SCN3A: variants seen among roughly 807,000 people sequenced by gnomAD.
SCN3A encodes the protein sodium channel protein type 3 subunit alpha.
SCN3A carries 60 observed loss-of-function variants against 187.6 expected under a neutral mutation model. That is an observed-to-expected ratio of 0.32 (90% CI 0.26 to 0.40). The LOEUF (loss-of-function observed/expected upper bound fraction) is 0.40, where lower values mean the gene tolerates loss of function less well. SCN3A is among the 10% of genes least tolerant of loss of function. The pLI, the probability that SCN3A is intolerant of heterozygous loss-of-function variation, is 1.00. For synonymous variants in SCN3A, 788 were observed against 829.2 expected, an observed-to-expected ratio of 0.95 and a Z score of 0.85; for missense variants, 1,601 against 2,428.2, an observed-to-expected ratio of 0.66 and a Z score of 7.16.
intron 14 of SCN3A, among the ~76,000 whole-genome samples, chr2:165,138,541 C>G (rs1054207570): frequency 2.2e-4 from 33 of 152,230 alleles, no homozygotes; most frequent in African/African-American, 7.9e-4. Flanking sequence ...CATTTATGAA[C>G]TATTCTCTCC....
At chr2:165,154,114 G>T (rs1688867980) in intron 11 of SCN3A, among the ~76,000 whole-genome samples, 1 of 148,526 alleles carries the variant, frequency 6.7e-6, no homozygotes, top group Non-Finnish European at 1.5e-5. Context: ...TCATAATTAG[G>T]GGTGAATCAC....
At chr2:165,185,063 A>G (rs1409408520) in intron 2 of SCN3A, among the ~76,000 whole-genome samples, 2 of 148,922 alleles carry the variant, frequency 1.3e-5, no homozygotes, top group Admixed American at 1.3e-4. Flanking sequence ...ATGGCTCTGA[A>G]AAAAAAAAAA....
intron 9 of SCN3A, among the ~76,000 whole-genome samples, chr2:165,156,512 C>CAAAAAAAAAAAAAAAAAAAAAA (rs558407270): frequency 3.1e-5 from 2 of 63,706 alleles, no homozygotes; most frequent in Non-Finnish European, 5.8e-5. Flanking sequence ...GACTCTGACT[C>CAAAAAAAAAAAAAAAAAAAAAA]AAAAAAAAAA....
rs1687856582 is a variant in SCN3A, at chr2:165,139,350, C to G, written c.2152+126G>C. On this transcript the variant is annotated intron_variant, in intron 14 of 27. Coordinates refer to ENST00000283254, the MANE Select transcript of SCN3A (RefSeq NM_006922.4). ...CAATGTGATAATGTACTCCATATATCACATTCTTAGGTCTAATATATAGTT... is the reference window on the plus strand; with the variant it reads ...CAATGTGATAATGTACTCCATATATGACATTCTTAGGTCTAATATATAGTT... 2.3e-6 allele frequency: 3 copies of G among 1,293,882 alleles called. No homozygotes were observed. In the Admixed American group the frequency reaches 5.3e-5, roughly 23 times the overall value. The allele number at this position is 1,293,882 out of a possible 1,614,324, so 80.2% of individuals were successfully genotyped here.
At chr2:165,172,117 T>C (rs375055263) in intron 3 of SCN3A, among the ~76,000 whole-genome samples, 117 of 152,270 alleles carry the variant, frequency 7.7e-4, no homozygotes, top group African/African-American at 2.7e-3. Context: ...TCTCTGTTCA[T>C]TGCTCTTTTG....
At chr2:165,180,407 G>A (rs973001758) in intron 2 of SCN3A, among the ~76,000 whole-genome samples, 1 of 152,136 alleles carries the variant, frequency 6.6e-6, no homozygotes, top group Non-Finnish European at 1.5e-5. Flanking sequence ...GTATCAATAT[G>A]TTCATCCCAG....
chr2:165,153,187 A>G (rs918499554), intron 11 of SCN3A, among the ~76,000 whole-genome samples: 15 of 152,228 alleles, frequency 9.9e-5, no homozygotes, highest in African/African-American at 3.1e-4. Context: ...TTCAAAGGCA[A>G]TGCAGTGGAG....
intron 15 of SCN3A, among the ~76,000 whole-genome samples, chr2:165,133,373 G>T (rs1448147343): frequency 1.3e-5 from 2 of 150,648 alleles, no homozygotes; most frequent in Admixed American, 1.3e-4. Flanking sequence ...ATTTTTTTTT[G>T]AGACAGAGTC....
At chr2:165,171,596 G>C (rs138405635) in intron 3 of SCN3A, among the ~76,000 whole-genome samples, 54 of 152,150 alleles carry the variant, frequency 3.5e-4, no homozygotes, top group Admixed American at 5.9e-4. Context: ...AATCAAGGTT[G>C]AAAATCCCTT....
chr2:165,105,520 G>T (rs1415117754), intron 21 of SCN3A, among the ~76,000 whole-genome samples: 2 of 152,218 alleles, frequency 1.3e-5, no homozygotes, highest in African/African-American at 4.8e-5. Flanking sequence ...GGCTCAGGTA[G>T]TGGTGAGGGG....
At chr2:165,168,566 A>G (rs1307955194) in intron 5 of SCN3A, among the ~76,000 whole-genome samples, 170 bp downstream of exon 5, 1 of 151,984 alleles carries the variant, frequency 6.6e-6, no homozygotes, top group Non-Finnish European at 1.5e-5. Context: ...AAAAATACTT[A>G]CCTCGTAGAA....
intron 21 of SCN3A, among the ~76,000 whole-genome samples, chr2:165,101,212 G>A (rs1346333913): frequency 2.0e-5 from 3 of 152,140 alleles, no homozygotes; most frequent in Admixed American, 1.3e-4. Context: ...GACATAGAAC[G>A]AATATTCCAA....
intron 17 of SCN3A, among the ~76,000 whole-genome samples, chr2:165,128,583 C>G (rs1362772385): frequency 1.3e-5 from 2 of 152,144 alleles, no homozygotes; most frequent in South Asian, 2.1e-4. Flanking sequence ...AAATGATATA[C>G]TTGAAATACA....
At chr2:165,146,382 ATGTGTGTG>A (rs5836018) in intron 12 of SCN3A, among the ~76,000 whole-genome samples, 107 of 107,868 alleles carry the variant, frequency 9.9e-4, no homozygotes, top group East Asian at 8.5e-3. Context: ...ATATATATAT[ATGTGTGTG>A]TGTGTGTGTG....
At chr2:165,110,019 C>T (rs184561894) in intron 21 of SCN3A, among the ~76,000 whole-genome samples, 3 of 152,136 alleles carry the variant, frequency 2.0e-5, no homozygotes, top group East Asian at 1.9e-4. Flanking sequence ...TGACTGGCAC[C>T]CTCCCCCATG....
At chr2:165,122,274 A>C (rs1181358847) in intron 18 of SCN3A, among the ~76,000 whole-genome samples, 2 of 147,062 alleles carry the variant, frequency 1.4e-5, no homozygotes, top group East Asian at 4.0e-4. Flanking sequence ...TTCCCCCAAA[A>C]CATGAAAGCA....
intron 3 of SCN3A, among the ~76,000 whole-genome samples, chr2:165,171,258 G>A (rs1690086727): frequency 6.6e-6 from 1 of 151,764 alleles, no homozygotes; most frequent in Non-Finnish European, 1.5e-5. Context: ...TCTTTGCTAT[G>A]GCCAATTCAA....
intron 25 of SCN3A, among the ~76,000 whole-genome samples, chr2:165,095,005 T>A (rs1041305758): frequency 1.3e-5 from 2 of 152,130 alleles, no homozygotes; most frequent in Non-Finnish European, 2.9e-5. Context: ...AGCTGTTACA[T>A]AGCTTACCCT....
Position 165,140,863 on chromosome 2 carries a change from C to T in SCN3A, c.1807G>A (p.Asp603Asn). The part of the protein sequence containing the change: ...FADDEHSTFE[D>N]SESRRDSLFV... ...AGTGAGTCTCTCCTGCTTTCGCTGT[C>T]TTCAAATGTGCTGTGTTCATCATCA... The change falls in exon 13 of 28, where the codon GAC becomes AAC. Residue 603 changes from aspartate to asparagine, a missense_variant. Asp to Asn is a conservative substitution (Grantham distance 23, BLOSUM62 1). Transcript: ENST00000283254. This position sits in a 1 kb window ranked among gnomAD's most constrained non-coding sequence, Gnocchi z 4.2. 6.2e-7 allele frequency: 1 copy of T among 1,614,134 alleles called. No homozygotes were observed. The highest frequency in any genetic ancestry group is 8.5e-7 in the Non-Finnish European group (1 of 1,180,020).
Sources: allele counts gnomAD v4.1 joint callset (sites outside exome capture counted in the v4.1 genomes callset), GRCh38; gene constraint gnomAD v4.1.1; non-coding constraint Gnocchi (gnomAD v3.1); transcripts MANE v1.5; gene names NCBI Gene and HGNC (gene_info 2026-07-23, HGNC 2026-07-21).